The following ZZEF1 variants were observed in gnomAD, a reference collection of about 807,000 sequenced individuals.
ZZEF1 encodes the protein zinc finger ZZ-type and EF-hand domain containing 1, also known as zinc finger ZZ-type and EF-hand domain-containing protein 1.
ZZEF1 carries 157 observed loss-of-function variants against 342.8 expected under a neutral mutation model. The observed-to-expected ratio is 0.46, with a 90% CI of 0.40 to 0.52. ZZEF1 has a LOEUF of 0.52. Ranked by LOEUF, ZZEF1 falls within the 20% of genes least tolerant of loss-of-function variation. ZZEF1 has a pLI of 0.00. For missense variants in ZZEF1, 3,480 were observed against 3,725.6 expected (o/e 0.93, Z 1.72); for synonymous variants, 1,505 against 1,429.1 (o/e 1.05, Z -1.20).
Position 4,016,536 on chromosome 17 carries a change from A to G in ZZEF1, c.8002-70T>C. 1.3e-6 allele frequency: 2 copies of G among 1,529,184 alleles called. No homozygotes were observed. The highest frequency in any genetic ancestry group is 2.3e-5 in the East Asian group (1 of 44,146). 94.7% of individuals were successfully genotyped at this position (1,529,184 alleles called of 1,614,324 possible). On this transcript the variant is annotated intron_variant, in intron 48 of 54. Transcript: ENST00000381638. This position sits in a 1 kb window ranked among gnomAD's most constrained non-coding sequence, Gnocchi z 4.4. The stretch of plus-strand genomic sequence containing the variant: ...CAGGAAGAAGGGACAGTTTACTTCA[A>G]CCCAAGCTCCACCCAAAGGTGCTGG...
chr17:4,064,710 T>C lies in ZZEF1; in HGVS notation c.4369A>G (p.Asn1457Asp). 1 of 1,614,246 alleles carries C rather than the reference T, an allele frequency of 6.2e-7. No individual in the cohort carries two copies. Among genetic ancestry groups the C allele is most frequent in the Non-Finnish European group, 8.5e-7 (1 of 1,180,044 alleles). Reference sequence around the variant, plus strand: ...ACAGAGCTTGTCCTCTGACGCTTGTTGAGTGGCTGGAGATGACTGGTTTCA... The same window carrying C: ...ACAGAGCTTGTCCTCTGACGCTTGTCGAGTGGCTGGAGATGACTGGTTTCA... ...ADETSHLQPL[N>D]KRQRTSSVVE... Residue 1457 changes from asparagine (N) to aspartate (D), a missense_variant, in exon 29 of 55, where the codon AAC (asparagine) becomes GAC (aspartate). Around this residue, in one of 5 missense-constraint regions of ZZEF1, gnomAD observed 1,528 missense variants for 1,624.1 expected, o/e 0.94. Coordinates refer to ENST00000381638, the MANE Select transcript of ZZEF1 (RefSeq NM_015113.4).
At chr17:4,125,130 T>A (rs2058553648) in intron 1 of ZZEF1, among the ~76,000 whole-genome samples, 1 of 152,182 alleles carries the variant, frequency 6.6e-6, no homozygotes, top group East Asian at 1.9e-4. Flanking sequence ...CTGACCCCCT[T>A]CCCTTACATC....
intron 39 of ZZEF1, among the ~76,000 whole-genome samples, chr17:4,036,114 G>C (rs997472104): frequency 2.0e-5 from 3 of 151,394 alleles, no homozygotes; most frequent in African/African-American, 7.3e-5. Context: ...ACAAGGAAAG[G>C]AGGACACCTC....
At chr17:4,132,465 A>G (rs898277005) in intron 1 of ZZEF1, among the ~76,000 whole-genome samples, 2 of 151,916 alleles carry the variant, frequency 1.3e-5, no homozygotes, top group Non-Finnish European at 2.9e-5. Flanking sequence ...TTGGGAGGTC[A>G]AGGTGGGCGG....
intron 2 of ZZEF1, among the ~76,000 whole-genome samples, chr17:4,121,640 A>T (rs1391606132): frequency 6.6e-6 from 1 of 152,094 alleles, no homozygotes; most frequent in Non-Finnish European, 1.5e-5. Flanking sequence ...AAATAATAAT[A>T]ATTTTAATTG....
chr17:4,113,687 A>G (rs1026497605), intron 4 of ZZEF1, among the ~76,000 whole-genome samples: 1 of 150,424 alleles, frequency 6.6e-6, no homozygotes, highest in Non-Finnish European at 1.5e-5. Flanking sequence ...AGAAGTATAG[A>G]AAGGGACCGG....
intron 7 of ZZEF1, 81 bp downstream of exon 7, chr17:4,105,612 A>T: frequency 1.9e-6 from 2 of 1,050,358 alleles, no homozygotes; most frequent in Non-Finnish European, 2.8e-6. Context: ...TTAAAAGATT[A>T]ATATATATTT....
At position 4,142,558 on chromosome 17, in the gene ZZEF1, C is replaced by G; in HGVS notation, c.338G>C (p.Ser113Thr). Residue 113 changes from serine (S) to threonine (T), a missense_variant, in exon 1 of 55, where the codon AGC (serine) becomes ACC (threonine). Physicochemically the swap from Ser to Thr is moderately conservative, Grantham distance 58. Transcript: ENST00000381638. ...LLEARGAGCSSEQFEEAFAQF... is the reference protein window; with the variant it reads ...LLEARGAGCSTEQFEEAFAQF... ...GGCCCTGACCTCCTCGAACTGCTCG[C>G]TAGAGCAGCCGGCGCCGCGAGCCTC... The G allele has an allele frequency of 1.2e-6, 2 of 1,601,218 alleles. No individual in the cohort carries two copies. The highest frequency in any genetic ancestry group is 1.7e-6 in the Non-Finnish European group (2 of 1,179,094).
At chr17:4,136,322 C>T (rs8065494) in intron 1 of ZZEF1, among the ~76,000 whole-genome samples, 21,983 of 137,928 alleles carry the variant, frequency 0.16, 1,828 homozygotes, top group African/African-American at 0.23. Flanking sequence ...CCAGCCTGGG[C>T]GACAGAGTGA....
At chr17:4,065,098 C>T (rs1042360295) in intron 28 of ZZEF1, among the ~76,000 whole-genome samples, 1 of 152,084 alleles carries the variant, frequency 6.6e-6, no homozygotes, top group Non-Finnish European at 1.5e-5. Flanking sequence ...GGGCAAGAGA[C>T]AGCTTCATGA....
At chr17:4,049,901 A>G (rs780548389) in intron 36 of ZZEF1, 42 bp from the exon 37 acceptor site, 2 of 1,599,490 alleles carry the variant, frequency 1.3e-6, no homozygotes, top group East Asian at 4.5e-5. Context: ...AAGTTTTATA[A>G]TGAGAGTTCT....
chr17:4,039,344 C>T (rs1449181474), intron 39 of ZZEF1, among the ~76,000 whole-genome samples: 3 of 152,014 alleles, frequency 2.0e-5, no homozygotes, highest in Admixed American at 1.3e-4. Flanking sequence ...GTGGCATGCG[C>T]CTGTAATCCC....
In ZZEF1 at chr17:4,107,329, T is replaced by C. The variant is rs372344700; in HGVS notation, c.1278-1520A>G. On this transcript the variant is annotated intron_variant, in intron 6 of 54. Transcript: ENST00000381638. ...TCTTCAAAAAAAATATAGAAACCTC[T>C]TCCTTTTCCTGAAAATCCAGTCCAC... is the stretch of plus-strand genomic sequence containing the variant. Among the ~76,000 whole-genome samples the C allele has an allele frequency of 1.6e-4, 25 of 152,272 alleles. No homozygotes were observed. In the East Asian group the frequency reaches 4.0e-3, roughly 25 times the overall value.
intron 6 of ZZEF1, among the ~76,000 whole-genome samples, chr17:4,107,652 A>G (rs1431723338): frequency 1.3e-5 from 2 of 152,254 alleles, no homozygotes; most frequent in Non-Finnish European, 2.9e-5. Flanking sequence ...GGGCAGGGGC[A>G]ATGGGACACT....
chr17:4,009,298 G>T, intron 53 of ZZEF1: 1 of 565,682 alleles, frequency 1.8e-6, no homozygotes, highest in South Asian at 2.1e-5. Flanking sequence ...AGGAAAAAAA[G>T]AGAAGGAAGC....
At position 4,017,116 on chromosome 17, in the gene ZZEF1, T is replaced by G; in HGVS notation, c.8001+255A>C. The G allele has an allele frequency of 2.1e-6, 1 of 480,884 alleles. No individual in the cohort carries two copies. The highest frequency in any genetic ancestry group is 3.7e-6 in the Non-Finnish European group (1 of 268,778). 29.8% of individuals were successfully genotyped at this position (480,884 alleles called of 1,614,324 possible). On this transcript the variant is annotated intron_variant, in intron 48 of 54. Transcript: ENST00000381638. This position sits in a 1 kb window ranked among gnomAD's most constrained non-coding sequence, Gnocchi z 5.1. The stretch of plus-strand genomic sequence containing the variant: ...GGAGCTACCGAATGTGCCTCAAGAT[T>G]TCTGCACTTGGAAACTGGGAAGATG...
chr17:4,090,602 C>T (rs1375997571), intron 12 of ZZEF1, 117 bp downstream of exon 12: 1 of 754,142 alleles, frequency 1.3e-6, no homozygotes, highest in East Asian at 2.6e-5. Flanking sequence ...GTATGAACTC[C>T]CTGAAGGTAG....
intron 1 of ZZEF1, among the ~76,000 whole-genome samples, chr17:4,135,306 T>C (rs569366604): frequency 6.6e-6 from 1 of 152,094 alleles, no homozygotes; most frequent in Non-Finnish European, 1.5e-5. Flanking sequence ...TGAAACCCCA[T>C]CTCTACTAAA....
chr17:4,021,211 G>A lies in ZZEF1; in HGVS notation c.7322C>T (p.Pro2441Leu). Residue 2441 changes from proline (P) to leucine (L), a missense_variant, in exon 45 of 55, where the codon CCA (proline) becomes CTA (leucine). By Grantham distance (98) the Pro-to-Leu change is moderately conservative. Transcript: ENST00000381638. ...CTCTGGGTCGCCAGGGCTGCTGACT[G>A]GCCGTTCCACCTCTTCCTCTCGGTC... ...RGDREEEVER[P>L]VSSPGDPEQK... is the part of the protein sequence containing the mutation. The A allele has an allele frequency of 6.2e-7, 1 of 1,614,138 alleles. No homozygotes were observed.
Sources: gnomAD v4.1 joint callset for allele counts (sites outside exome capture counted in the v4.1 genomes callset) on GRCh38, gnomAD v4.1.1 for gene constraint, gnomAD v4.1.1 regional missense constraint, Gnocchi (gnomAD v3.1) non-coding constraint, MANE v1.5 for transcripts, NCBI Gene and HGNC (gene_info 2026-07-23, HGNC 2026-07-21) for gene names.